Variants in FHIT observed in about 807,000 individuals in gnomAD.
FHIT encodes the protein bis(5'-adenosyl)-triphosphatase.
FHIT carries 19 observed loss-of-function variants against 17.9 expected under a neutral mutation model. That is an observed-to-expected ratio of 1.06 (90% CI 0.74 to 1.56). FHIT has a LOEUF of 1.56. FHIT is among the 40% of genes most tolerant of loss of function. FHIT has a pLI of 0.00. For missense variants in FHIT, 248 were observed against 189.2 expected, an observed-to-expected ratio of 1.31 and a Z score of -1.82; for synonymous variants, 81 against 69.7, an observed-to-expected ratio of 1.16 and a Z score of -0.81.
chr3:60,470,801 C>T (rs1016267879), intron 5 of FHIT, among the ~76,000 whole-genome samples: 2 of 152,166 alleles, frequency 1.3e-5, no homozygotes, highest in African/African-American at 4.8e-5. Flanking sequence ...GTAGCCACCA[C>T]AGCTGGGAAT....
intron 5 of FHIT, among the ~76,000 whole-genome samples, chr3:60,419,801 A>T (rs1702401855): frequency 6.6e-6 from 1 of 152,180 alleles, no homozygotes; most frequent in African/African-American, 2.4e-5. Flanking sequence ...AAAAGGTATC[A>T]ATTAGGTTCA....
intron 4 of FHIT, among the ~76,000 whole-genome samples, chr3:60,744,269 A>AAAAAAAAAAG (rs1559688149): frequency 6.2e-5 from 1 of 16,054 alleles, no homozygotes; most frequent in African/African-American, 2.4e-4. Context: ...AAAACAAAAC[A>AAAAAAAAAAG]AAAAAAAAAA....
chr3:60,853,926 C>T (rs1383037366), intron 3 of FHIT, among the ~76,000 whole-genome samples: 1 of 152,070 alleles, frequency 6.6e-6, no homozygotes. Flanking sequence ...TCCTTAGTAA[C>T]ACTGCAAAGA....
intron 5 of FHIT, among the ~76,000 whole-genome samples, chr3:60,491,680 T>A (rs7646323): frequency 1.5e-3 from 231 of 152,052 alleles, no homozygotes; most frequent in African/African-American, 5.3e-3. Flanking sequence ...TCGTTCTGTA[T>A]GATATTTTAA....
intron 5 of FHIT, among the ~76,000 whole-genome samples, chr3:60,274,331 C>T (rs892360180): frequency 2.6e-5 from 4 of 152,132 alleles, no homozygotes; most frequent in Non-Finnish European, 5.9e-5. Flanking sequence ...AACTCCAAAA[C>T]CCTAACACCT....
intron 5 of FHIT, among the ~76,000 whole-genome samples, chr3:60,060,034 G>C (rs1249388072): frequency 6.6e-6 from 1 of 152,014 alleles, no homozygotes; most frequent in Non-Finnish European, 1.5e-5. Flanking sequence ...AACATACCCA[G>C]ATACATGGGG....
At chr3:59,776,659 T>A (rs1226995804) in intron 8 of FHIT, among the ~76,000 whole-genome samples, 9 of 152,150 alleles carry the variant, frequency 5.9e-5, no homozygotes, top group Admixed American at 5.9e-4. Context: ...CAGTCCAGCA[T>A]CATTTAAGAA....
intron 3 of FHIT, among the ~76,000 whole-genome samples, chr3:60,911,126 G>A (rs1177079580): frequency 6.6e-6 from 1 of 152,084 alleles, no homozygotes; most frequent in Non-Finnish European, 1.5e-5. Flanking sequence ...GGTTTAAAAG[G>A]AAGTTCCAAC....
intron 8 of FHIT, among the ~76,000 whole-genome samples, chr3:59,891,432 G>T (rs1283431363): frequency 6.6e-6 from 1 of 152,222 alleles, no homozygotes; most frequent in African/African-American, 2.4e-5. Context: ...GGTAGAAGAG[G>T]ACAGATGGGT....
chr3:60,352,848 G>A (rs1007525851), intron 5 of FHIT, among the ~76,000 whole-genome samples: 1 of 152,090 alleles, frequency 6.6e-6, no homozygotes, highest in Non-Finnish European at 1.5e-5. Context: ...TACTTACCCA[G>A]TTTTGTCAGG....
chr3:60,811,397 A>G (rs1223462710), intron 4 of FHIT, among the ~76,000 whole-genome samples: 1 of 152,110 alleles, frequency 6.6e-6, no homozygotes, highest in East Asian at 1.9e-4. Context: ...TGACATTTTA[A>G]CTTTTCTGAT....
chr3:60,441,301 T>C (rs1444040936), intron 5 of FHIT, among the ~76,000 whole-genome samples: 3 of 152,066 alleles, frequency 2.0e-5, no homozygotes, highest in Non-Finnish European at 4.4e-5. Flanking sequence ...TGCAGGGAGT[T>C]TACTCACATA....
In FHIT at chr3:59,854,265, C is replaced by T. The variant is rs539488454; in HGVS notation, c.348+68081G>A. On this transcript the variant is annotated intron_variant, in intron 8 of 9. Coordinates refer to ENST00000492590, the MANE Select transcript of FHIT (RefSeq NM_002012.4). ...TTTAAAGGGTCCCTGCTGTATAACT[C>T]GCCCGGAAGCATTCCAGGGGGAAGA... Among the ~76,000 whole-genome samples the T allele has an allele frequency of 2.2e-3, 334 of 152,262 alleles. No homozygotes were observed. The Middle Eastern group carries it at 0.024, about 11-fold the overall frequency.
intron 5 of FHIT, among the ~76,000 whole-genome samples, chr3:60,188,905 G>A (rs190239155): frequency 3.9e-4 from 59 of 152,174 alleles, no homozygotes; most frequent in Non-Finnish European, 7.4e-5. Context: ...CCCAGTAGAA[G>A]TTAAAAATAG....
intron 5 of FHIT, among the ~76,000 whole-genome samples, chr3:60,502,649 A>G (rs756588825): frequency 2.2e-4 from 34 of 152,190 alleles, no homozygotes; most frequent in Non-Finnish European, 4.1e-4. Flanking sequence ...ACCATGTACC[A>G]GACATTGTGT....
chr3:60,268,644 A>AT (rs1706708514), intron 5 of FHIT, among the ~76,000 whole-genome samples: 1 of 152,210 alleles, frequency 6.6e-6, no homozygotes, highest in African/African-American at 2.4e-5. Flanking sequence ...TGACTGCTAT[A>AT]TATAGTTTAC....
At chr3:60,056,115 G>A (rs1040777871) in intron 5 of FHIT, among the ~76,000 whole-genome samples, 1 of 152,210 alleles carries the variant, frequency 6.6e-6, no homozygotes, top group South Asian at 2.1e-4. Flanking sequence ...AGAGCATTAT[G>A]CAGTTTCCAT....
rs560970619 is a variant in FHIT, at chr3:60,681,716, G to C, written c.-18+140203C>G. 3.3e-5 allele frequency among the ~76,000 whole-genome samples: 5 copies of C among 152,278 alleles called. No homozygotes were observed. The East Asian group carries it at 9.6e-4, about 29-fold the overall frequency. On this transcript the variant is annotated intron_variant, in intron 4 of 9. Transcript: ENST00000492590. ...GTGGTCTGGATAGAAGATCAAACTA[G>C]CCACAACATTCCCTTAACCCAAGGC... is the stretch of plus-strand genomic sequence containing the variant.
At chr3:60,769,095 T>A (rs1699954114) in intron 4 of FHIT, among the ~76,000 whole-genome samples, 1 of 152,176 alleles carries the variant, frequency 6.6e-6, no homozygotes, top group African/African-American at 2.4e-5. Flanking sequence ...TACATATATT[T>A]ATATGTACAT....
Sources: allele counts gnomAD v4.1 joint callset (sites outside exome capture counted in the v4.1 genomes callset), GRCh38; gene constraint gnomAD v4.1.1; transcripts MANE v1.5; gene names NCBI Gene and HGNC (gene_info 2026-07-23, HGNC 2026-07-21).